Variants in FER1L6 observed in about 807,000 individuals in gnomAD.
FER1L6 encodes fer-1 like family member 6, also known as fer-1-like protein 6.
Under a neutral mutation model 219.2 loss-of-function variants are expected in FER1L6, and 177 were observed. The ratio of observed to expected loss-of-function variants is 0.81; its 90% confidence interval spans 0.71 to 0.91. The LOEUF (loss-of-function observed/expected upper bound fraction) is 0.91, where lower values mean the gene tolerates loss of function less well. Among genes scored for constraint, FER1L6 ranks in the 40% least tolerant of loss-of-function variants. The pLI is 0.00. For missense variants in FER1L6, 2,153 were observed against 2,259.9 expected (o/e 0.95, Z 0.96); for synonymous variants, 768 against 824.3 (o/e 0.93, Z 1.17).
intron 1 of FER1L6, 64 bp from the exon 2 acceptor site, chr8:123,955,928 C>T: frequency 6.8e-7 from 1 of 1,469,376 alleles, no homozygotes; most frequent in Non-Finnish European, 9.3e-7. Context: ...TTTGTGTTTA[C>T]CTTCTCCTAA....
chr8:124,116,089 T>C (rs916816894), intron 39 of FER1L6, among the ~76,000 whole-genome samples: 2 of 152,248 alleles, frequency 1.3e-5, no homozygotes, highest in African/African-American at 4.8e-5. Context: ...CCAGAACAAG[T>C]TGTCACTTAG....
intron 1 of FER1L6, among the ~76,000 whole-genome samples, chr8:123,888,894 G>A (rs1817252416): frequency 1.3e-5 from 2 of 152,180 alleles, no homozygotes; most frequent in Admixed American, 1.3e-4. Context: ...ACAAATAAAA[G>A]AGTCTCATAA....
chr8:124,039,270 C>T (rs1238296427), intron 19 of FER1L6, among the ~76,000 whole-genome samples: 1 of 152,168 alleles, frequency 6.6e-6, no homozygotes, highest in Non-Finnish European at 1.5e-5. Context: ...CAAGACTGTA[C>T]ACAGTAGGTG....
chr8:123,905,714 T>C (rs536873972), intron 1 of FER1L6, among the ~76,000 whole-genome samples: 19 of 152,344 alleles, frequency 1.2e-4, no homozygotes, highest in African/African-American at 4.3e-4. Flanking sequence ...ATAATATATA[T>C]ACAAAGATTA....
chr8:124,102,887 AGTATT>A (rs1822604116), intron 38 of FER1L6, among the ~76,000 whole-genome samples: 1 of 152,206 alleles, frequency 6.6e-6, no homozygotes, highest in Non-Finnish European at 1.5e-5. Context: ...TTGCAAGTTA[AGTATT>A]GTTAACTTAA....
rs1012362012 is a variant in FER1L6 at position 124,001,593 on chromosome 8, G to T, written c.1520-1574G>T. On this transcript the variant is annotated intron_variant, in intron 12 of 40. Coordinates refer to ENST00000522917, the MANE Select transcript of FER1L6 (RefSeq NM_001039112.2). ...ACTCTAAGTCTCCTTCTTTTTCTAG[G>T]ATATTATTATGCCTCTCTCAGGTAT... is the stretch of plus-strand genomic sequence containing the variant. 7.9e-5 allele frequency among the ~76,000 whole-genome samples: 12 copies of T among 152,270 alleles called. No homozygotes were observed. The East Asian group carries it at 2.3e-3, about 29-fold the overall frequency.
At chr8:124,049,537 G>A (rs1819903567) in intron 21 of FER1L6, 70 bp from the exon 22 acceptor site, 7 of 1,517,758 alleles carry the variant, frequency 4.6e-6, no homozygotes, top group Non-Finnish European at 6.4e-6. Context: ...TGGAGGTGAT[G>A]GCATTGATGT....
chr8:124,082,523 ACT>A (rs1450394719), intron 33 of FER1L6, 65 bp downstream of exon 33: 16 of 1,449,656 alleles, frequency 1.1e-5, no homozygotes, highest in Admixed American at 3.6e-5. Flanking sequence ...AGGGCTCCAG[ACT>A]CTGCATCCCA....
rs150902331 is a variant in FER1L6, at chr8:123,952,868, C to T, written c.-7-3124C>T. Among the ~76,000 whole-genome samples the T allele has an allele frequency of 2.5e-3, 382 of 152,292 alleles. 2 individuals are homozygous for T. The highest frequency in any genetic ancestry group is 4.4e-3 in the Non-Finnish European group (297 of 68,020). ...CATTTCCTTGTTATGAATATTGTGACACTTTGTAGCACGCTTTACACTTGA... is the reference window on the plus strand; with the variant it reads ...CATTTCCTTGTTATGAATATTGTGATACTTTGTAGCACGCTTTACACTTGA... On this transcript the variant is annotated intron_variant, in intron 1 of 40. Transcript: ENST00000522917.
intron 21 of FER1L6, chr8:124,046,877 G>C (rs2130765459): frequency 6.6e-6 from 1 of 152,302 alleles, no homozygotes; most frequent in South Asian, 2.1e-4. Flanking sequence ...TGCCTGTACA[G>C]GTGGTGGAGG....
chr8:124,062,856 A>G (rs1358291918), intron 25 of FER1L6, among the ~76,000 whole-genome samples: 1 of 139,228 alleles, frequency 7.2e-6, no homozygotes, highest in African/African-American at 2.7e-5. Context: ...GCCACTCCAG[A>G]GAGCTGCACT....
chr8:124,050,285 C>A (rs1226064169), intron 22 of FER1L6, among the ~76,000 whole-genome samples: 3 of 152,166 alleles, frequency 2.0e-5, no homozygotes, highest in Non-Finnish European at 2.9e-5. Flanking sequence ...CCTTTTGCTC[C>A]TTACACTATA....
intron 13 of FER1L6, 135 bp from the exon 14 acceptor site, chr8:124,010,459 G>A: frequency 2.1e-6 from 2 of 934,180 alleles, no homozygotes; most frequent in East Asian, 2.6e-5. Context: ...GATCAAAGAT[G>A]GTGTTAAAAG....
At chr8:124,001,571 C>T (rs1034082523) in intron 12 of FER1L6, among the ~76,000 whole-genome samples, 4 of 152,220 alleles carry the variant, frequency 2.6e-5, no homozygotes, top group African/African-American at 9.7e-5. Flanking sequence ...CCTGCTAACT[C>T]TAAGTCTCCT....
At chr8:123,885,006 A>G (rs1817174446) in intron 1 of FER1L6, among the ~76,000 whole-genome samples, 1 of 152,166 alleles carries the variant, frequency 6.6e-6, no homozygotes, top group Non-Finnish European at 1.5e-5. Flanking sequence ...AGAGAAAAGA[A>G]CCAACAGATC....
At chr8:124,090,869 C>A (rs893757311) in intron 33 of FER1L6, among the ~76,000 whole-genome samples, 1 of 152,058 alleles carries the variant, frequency 6.6e-6, no homozygotes, top group Non-Finnish European at 1.5e-5. Flanking sequence ...AAGGGAGGGA[C>A]GAAGCAGAGA....
chr8:123,877,658 G>C (rs1817026814), intron 1 of FER1L6, among the ~76,000 whole-genome samples: 1 of 151,696 alleles, frequency 6.6e-6, no homozygotes. Context: ...CTCAAGACTT[G>C]GATTAGCATT....
chr8:124,069,130 G>A (rs1437201400), intron 28 of FER1L6, among the ~76,000 whole-genome samples: 1 of 151,970 alleles, frequency 6.6e-6, no homozygotes, highest in African/African-American at 2.4e-5. Flanking sequence ...TAGAGACGGG[G>A]TTTCACCGTG....
chr8:124,092,491 ATTT>A (rs1822076601), intron 34 of FER1L6, among the ~76,000 whole-genome samples: 1 of 152,146 alleles, frequency 6.6e-6, no homozygotes, highest in South Asian at 2.1e-4. Context: ...CAAGTCGTAG[ATTT>A]TCCACATGAA....
Sources: gnomAD v4.1 joint callset for allele counts (sites outside exome capture counted in the v4.1 genomes callset) on GRCh38, gnomAD v4.1.1 for gene constraint, MANE v1.5 for transcripts, NCBI Gene and HGNC (gene_info 2026-07-23, HGNC 2026-07-21) for gene names.